Variants in DNAJC2 observed in about 807,000 individuals in gnomAD.
The protein encoded by DNAJC2 is DnaJ heat shock protein family (Hsp40) member C2.
Under a neutral mutation model 94.0 loss-of-function variants are expected in DNAJC2, and 32 were observed. The ratio of observed to expected loss-of-function variants is 0.34; its 90% CI spans 0.26 to 0.46. The LOEUF (loss-of-function observed/expected upper bound fraction) is 0.46, where lower values mean the gene tolerates loss of function less well. DNAJC2 is among the 20% of genes least tolerant of loss of function. The probability of loss-of-function intolerance (pLI) is 1.00; values close to 1 mark genes in which losing one functional copy is unlikely to be tolerated. For missense variants in DNAJC2, 550 were observed against 719.5 expected (o/e 0.76, Z 2.69); for synonymous variants, 210 against 229.7 (o/e 0.91, Z 0.77).
chr7:103,319,971 T>G (rs903667858), intron 10 of DNAJC2, 127 bp from the exon 11 acceptor site: 1 of 938,276 alleles, frequency 1.1e-6, no homozygotes, highest in Non-Finnish European at 1.6e-6. Context: ...GAGGCGGAAA[T>G]TGCAGCAAAC....
intron 15 of DNAJC2, chr7:103,313,977 T>TTAAAG: frequency 1.0e-6 from 1 of 985,342 alleles, no homozygotes; most frequent in South Asian, 4.7e-5. Context: ...GTGAGATCTG[T>TTAAAG]TAAAAGTTAA....
chr7:103,333,951 ATTTT>A (rs1213072243), intron 3 of DNAJC2, among the ~76,000 whole-genome samples: 2 of 139,498 alleles, frequency 1.4e-5, no homozygotes, highest in Admixed American at 7.1e-5. Context: ...TGTTGTGAAC[ATTTT>A]TTTTTTTTTT....
At chr7:103,333,951 A>ATT (rs1213072243) in intron 3 of DNAJC2, among the ~76,000 whole-genome samples, 10 of 139,514 alleles carry the variant, frequency 7.2e-5, no homozygotes, top group African/African-American at 1.1e-4. Flanking sequence ...TGTTGTGAAC[A>ATT]TTTTTTTTTT....
At chr7:103,341,437 A>C (rs1459276594) in intron 2 of DNAJC2, among the ~76,000 whole-genome samples, 1 of 152,130 alleles carries the variant, frequency 6.6e-6, no homozygotes, top group Non-Finnish European at 1.5e-5. Context: ...GAGGCACTAC[A>C]TATTCTTTTA....
chr7:103,322,155 T>G, intron 9 of DNAJC2, 74 bp from the exon 10 acceptor site: 1 of 1,150,288 alleles, frequency 8.7e-7, no homozygotes, highest in Admixed American at 3.2e-5. Context: ...TTTAAAAATT[T>G]AAACTTTTAA....
chr7:103,320,775 A>G lies in DNAJC2; in HGVS notation c.1084-931T>C, dbSNP rs1818353944. 8 of 169,046 alleles carry G rather than the reference A, an allele frequency of 4.7e-5. No individual in the cohort carries two copies. The South Asian group carries it at 8.6e-4, about 18-fold the overall frequency. 10.5% of individuals were successfully genotyped at this position (169,046 alleles called of 1,614,324 possible). On this transcript the variant is annotated intron_variant, in intron 10 of 16. Coordinates refer to ENST00000379263, the MANE Select transcript of DNAJC2 (RefSeq NM_014377.3). ...TATATATATACACATATATATATATATATATATATTCTGAAACTGTGTCTA... is the reference window on the plus strand; with the variant it reads ...TATATATATACACATATATATATATGTATATATATTCTGAAACTGTGTCTA...
At chr7:103,322,277 A>G (rs1172933464) in intron 9 of DNAJC2, among the ~76,000 whole-genome samples, 196 bp from the exon 10 acceptor site, 1 of 152,206 alleles carries the variant, frequency 6.6e-6, no homozygotes, top group Non-Finnish European at 1.5e-5. Context: ...TAAAATTGAC[A>G]TATTAGAAAT....
chr7:103,328,417 G>A (rs1475929665), intron 3 of DNAJC2, among the ~76,000 whole-genome samples: 1 of 151,966 alleles, frequency 6.6e-6, no homozygotes, highest in Non-Finnish European at 1.5e-5. Context: ...GATCACTTGA[G>A]GTCAGGAGTT....
At chr7:103,324,440 T>C (rs760928435) in intron 6 of DNAJC2, 42 bp downstream of exon 6, 12 of 1,419,942 alleles carry the variant, frequency 8.5e-6, no homozygotes, top group Non-Finnish European at 1.0e-5. Context: ...TACTTTTCCT[T>C]TTAAAAAATG....
intron 7 of DNAJC2, among the ~76,000 whole-genome samples, chr7:103,323,341 A>G (rs970835314): frequency 6.6e-6 from 1 of 152,252 alleles, no homozygotes; most frequent in Admixed American, 6.5e-5. Flanking sequence ...TTAAGCAACC[A>G]GAAGAAAAAG....
At position 103,341,974 on chromosome 7, in the gene DNAJC2, G is replaced by GA. The variant is rs1563476381; in HGVS notation, c.65-21dup. ...TAGAGGCTGTGATTGAAAGTGTTAA[G>GA]AGAGGCTTCAGTGTATCGCATGGAA... On this transcript the variant is annotated intron_variant, in intron 1 of 16. Transcript: ENST00000379263. 1 of 1,531,540 alleles carries GA rather than the reference G, an allele frequency of 6.5e-7. No individual in the cohort carries two copies. The highest frequency in any genetic ancestry group is 8.8e-7 in the Non-Finnish European group (1 of 1,140,274). 94.9% of individuals were successfully genotyped at this position (1,531,540 alleles called of 1,614,324 possible).
At chr7:103,313,437 CT>C (rs1028714800) in intron 15 of DNAJC2, 2 of 984,126 alleles carry the variant, frequency 2.0e-6, no homozygotes, top group Non-Finnish European at 1.2e-6. Flanking sequence ...GACTCTTGGA[CT>C]CAAAAACACA....
chr7:103,323,812 A>C, intron 6 of DNAJC2, 149 bp from the exon 7 acceptor site: 1 of 614,912 alleles, frequency 1.6e-6, no homozygotes, highest in Non-Finnish European at 2.4e-6. Flanking sequence ...TTTTAAGGAC[A>C]TTGCATTTGG....
intron 3 of DNAJC2, among the ~76,000 whole-genome samples, chr7:103,331,570 A>G (rs1265776759): frequency 6.6e-6 from 1 of 152,128 alleles, no homozygotes; most frequent in African/African-American, 2.4e-5. Flanking sequence ...CACGAGATCA[A>G]CTTTTTAAGC....
At chr7:103,341,397 T>C (rs1819368562) in intron 2 of DNAJC2, among the ~76,000 whole-genome samples, 1 of 152,222 alleles carries the variant, frequency 6.6e-6, no homozygotes, top group African/African-American at 2.4e-5. Context: ...CCATACCGCA[T>C]GTACCCTATA....
intron 16 of DNAJC2, 91 bp from the exon 17 acceptor site, chr7:103,312,734 AGATAG>A: frequency 6.4e-7 from 1 of 1,571,796 alleles, no homozygotes; most frequent in South Asian, 1.2e-5. Flanking sequence ...CAAGCAACTA[AGATAG>A]ATAGTACTAA....
chr7:103,321,449 C>T (rs796085725), intron 10 of DNAJC2, among the ~76,000 whole-genome samples: 4 of 150,392 alleles, frequency 2.7e-5, no homozygotes, highest in Admixed American at 1.3e-4. Context: ...ACCCAGGAGG[C>T]GGGGGTTGCA....
At chr7:103,342,455 G>A (rs1451054281) in intron 1 of DNAJC2, among the ~76,000 whole-genome samples, 1 of 151,740 alleles carries the variant, frequency 6.6e-6, no homozygotes, top group African/African-American at 2.4e-5. Flanking sequence ...ACAGGCATGC[G>A]CCACCATGCC....
chr7:103,319,414 GC>G (rs1257142739), intron 12 of DNAJC2, among the ~76,000 whole-genome samples, 194 bp downstream of exon 12: 5 of 152,016 alleles, frequency 3.3e-5, no homozygotes, highest in African/African-American at 1.2e-4. Context: ...TCCAGCCTGG[GC>G]AACAGAGCAA....
Sources: allele counts gnomAD v4.1 joint callset (sites outside exome capture counted in the v4.1 genomes callset), GRCh38; gene constraint gnomAD v4.1.1; transcripts MANE v1.5; gene names NCBI Gene and HGNC (gene_info 2026-07-23, HGNC 2026-07-21).